The following PTK2B variants were observed in gnomAD, a reference collection of about 807,000 sequenced individuals.
PTK2B encodes protein tyrosine kinase 2 beta.
PTK2B carries 71 observed loss-of-function variants against 142.9 expected under a neutral mutation model. That is an observed-to-expected ratio of 0.50 (90% CI 0.41 to 0.61). The LOEUF is 0.61. PTK2B is among the 20% of genes least tolerant of loss of function. PTK2B has a pLI of 0.00. For missense variants in PTK2B, 1,105 were observed against 1,320.4 expected (o/e 0.84, Z 2.53); for synonymous variants, 519 against 503.4 (o/e 1.03, Z -0.42).
chr8:27,358,749 T>C (rs1482323212), intron 1 of PTK2B, among the ~76,000 whole-genome samples: 3 of 152,188 alleles, frequency 2.0e-5, no homozygotes, highest in Non-Finnish European at 4.4e-5. Flanking sequence ...TTTCACTGTA[T>C]TGATTATGTG....
chr8:27,378,601 CTGTGTGTGTGTGTGTGTGTGTGTG>C (rs58485965), intron 1 of PTK2B, among the ~76,000 whole-genome samples: 18 of 148,286 alleles, frequency 1.2e-4, no homozygotes, highest in African/African-American at 4.0e-4. Context: ...TACAGCTTAT[CTGTGTGTGTGTGTGTGTGTGTGTG>C]TGTGTGTGTG....
At chr8:27,428,348 G>A (rs941296295) in intron 5 of PTK2B, among the ~76,000 whole-genome samples, 1 of 152,168 alleles carries the variant, frequency 6.6e-6, no homozygotes, top group African/African-American at 2.4e-5. Context: ...CAGGGGTTGG[G>A]GACCTTTGCT....
chr8:27,395,359 T>C (rs1009818919), intron 1 of PTK2B, among the ~76,000 whole-genome samples: 47 of 152,364 alleles, frequency 3.1e-4, no homozygotes, highest in Admixed American at 2.7e-3. Context: ...CACCATCTTA[T>C]ATGCGGTCCA....
chr8:27,332,005 G>T (rs886283776), intron 1 of PTK2B, among the ~76,000 whole-genome samples: 10 of 152,170 alleles, frequency 6.6e-5, no homozygotes, highest in African/African-American at 2.4e-4. Context: ...CCTCTGCAGA[G>T]GCTCTTGGCA....
chr8:27,388,555 G>A (rs1807514283), intron 1 of PTK2B, among the ~76,000 whole-genome samples: 1 of 152,198 alleles, frequency 6.6e-6, no homozygotes, highest in Middle Eastern at 3.2e-3. Context: ...GGTGGCTTGA[G>A]GCCAGGGACC....
At chr8:27,350,585 A>T (rs1804987888) in intron 1 of PTK2B, among the ~76,000 whole-genome samples, 1 of 143,626 alleles carries the variant, frequency 7.0e-6, no homozygotes, top group Non-Finnish European at 1.6e-5. Flanking sequence ...GCCTCCTGTT[A>T]ATAAGTGGGG....
At chr8:27,431,247 G>A in intron 8 of PTK2B, 151 bp from the exon 9 acceptor site, 1 of 1,522,092 alleles carries the variant, frequency 6.6e-7, no homozygotes, top group Non-Finnish European at 8.8e-7. Context: ...GGTGTCAGGA[G>A]GGGAAGATCC....
intron 24 of PTK2B, 126 bp from the exon 25 acceptor site, chr8:27,450,623 T>A (rs1192553141): frequency 1.7e-6 from 2 of 1,201,402 alleles, no homozygotes; most frequent in African/African-American, 3.1e-5. Flanking sequence ...AACAAACTTA[T>A]GAGAAAAAAG....
upstream of PTK2B, chr8:27,322,882 C>A (rs1043074674): frequency 7.1e-6 from 1 of 140,436 alleles, no homozygotes; most frequent in South Asian, 2.1e-4. Flanking sequence ...CAGCGCGTGC[C>A]GCCTCTGTGT....
chr8:27,326,656 G>A (rs1229856422), intron 1 of PTK2B, among the ~76,000 whole-genome samples: 1 of 152,186 alleles, frequency 6.6e-6, no homozygotes, highest in Non-Finnish European at 1.5e-5. Context: ...CCCTCTACGT[G>A]GGATGCTCTC....
At chr8:27,397,851 A>C (rs1244617277) in intron 2 of PTK2B, 63 bp downstream of exon 2, 1 of 1,547,842 alleles carries the variant, frequency 6.5e-7, no homozygotes, top group African/African-American at 1.4e-5. Context: ...TGGGCAGCTG[A>C]GCAGCTCTCC....
At chr8:27,431,905 G>A (rs920404658) in intron 9 of PTK2B, among the ~76,000 whole-genome samples, 11 of 152,170 alleles carry the variant, frequency 7.2e-5, no homozygotes, top group Non-Finnish European at 1.5e-4. Context: ...GCTTGGTCTA[G>A]ATCAAGCCTG....
At chr8:27,318,400 C>T (rs558391871) in intron 3 of PTK2B, among the ~76,000 whole-genome samples, 18 of 152,216 alleles carry the variant, frequency 1.2e-4, no homozygotes, top group African/African-American at 3.9e-4. Context: ...ACCAGATGAG[C>T]CCACTCACAG....
intron 1 of PTK2B, among the ~76,000 whole-genome samples, chr8:27,378,446 A>G (rs1274623300): frequency 1.3e-5 from 2 of 152,230 alleles, no homozygotes; most frequent in Non-Finnish European, 1.5e-5. Context: ...TGTTGGAAGA[A>G]CGTCCCTCTC....
chr8:27,394,051 T>A (rs1198881688), intron 1 of PTK2B, among the ~76,000 whole-genome samples: 1 of 152,182 alleles, frequency 6.6e-6, no homozygotes, highest in Non-Finnish European at 1.5e-5. Context: ...TGCTACAGTC[T>A]ACTACACACC....
intron 1 of PTK2B, among the ~76,000 whole-genome samples, chr8:27,374,147 G>A (rs1004413111): frequency 2.6e-5 from 4 of 152,182 alleles, no homozygotes; most frequent in Admixed American, 2.0e-4. Context: ...AGCAGGGGCT[G>A]CACATTGGGG....
chr8:27,311,324 G>C, upstream of PTK2B: 1 of 1,391,162 alleles, frequency 7.2e-7, no homozygotes, highest in Non-Finnish European at 9.5e-7. Context: ...CGAGTGCTGG[G>C]AATCGCCCAG....
chr8:27,398,329 A>G (rs758448608), intron 2 of PTK2B, among the ~76,000 whole-genome samples: 16 of 152,192 alleles, frequency 1.1e-4, no homozygotes, highest in Non-Finnish European at 2.1e-4. Flanking sequence ...GCTCACTCCT[A>G]CCCAGAATCA....
intron 22 of PTK2B, 100 bp from the exon 23 acceptor site, chr8:27,444,106 G>A: frequency 1.6e-6 from 2 of 1,260,716 alleles, no homozygotes; most frequent in Non-Finnish European, 2.3e-6. Flanking sequence ...TCCTTCCTTT[G>A]GAACAAGCCT....
Sources: gnomAD v4.1 joint callset for allele counts (sites outside exome capture counted in the v4.1 genomes callset) on GRCh38, gnomAD v4.1.1 for gene constraint, MANE v1.5 for transcripts, NCBI Gene and HGNC (gene_info 2026-07-23, HGNC 2026-07-21) for gene names.